Variants in GLIS3 observed in about 807,000 individuals in gnomAD.
The protein encoded by GLIS3 is zinc finger protein GLIS3.
GLIS3 carries 53 observed loss-of-function variants against 78.6 expected under a neutral mutation model. The observed-to-expected ratio is 0.67, with a 90% confidence interval of 0.54 to 0.85. GLIS3 has a LOEUF of 0.85. Among genes scored for constraint, GLIS3 ranks in the 40% least tolerant of loss-of-function variants. The probability of loss-of-function intolerance (pLI) is 0.00; values close to 1 mark genes in which losing one functional copy is unlikely to be tolerated. For missense variants in GLIS3, 1,703 were observed against 1,231.1 expected (o/e 1.38, Z -5.74); for synonymous variants, 684 against 509.9 (o/e 1.34, Z -4.60).
At chr9:4,369,196 C>G in the GLIS3 span, among the ~76,000 whole-genome samples, 1 of 152,082 alleles carries the variant, frequency 6.6e-6, no homozygotes, top group Admixed American at 6.6e-5. Context: ...TTAATAATGT[C>G]TGATGGATTA....
chr9:4,384,838 C>T, the GLIS3 span, among the ~76,000 whole-genome samples: 1 of 152,164 alleles, frequency 6.6e-6, no homozygotes, highest in African/African-American at 2.4e-5. Flanking sequence ...ACATCCAAAA[C>T]ATATCAGATA....
At position 4,032,784 on chromosome 9, in the gene GLIS3, C is replaced by A. The variant is rs115220170; in HGVS notation, c.1710+84984G>T. Among the ~76,000 whole-genome samples the A allele has an allele frequency of 6.0e-3, 908 of 152,296 alleles. 9 individuals are homozygous for A. The highest frequency in any genetic ancestry group is 0.02 in the African/African-American group (833 of 41,550). On this transcript the variant is annotated intron_variant, in intron 4 of 10. Coordinates refer to ENST00000381971, the MANE Select transcript of GLIS3 (RefSeq NM_001042413.2). ...TGTCACCAGGATGCCCCTGCCCCCACTGCCAATAGCATTCTCCTTTTAAGT... is the reference window on the plus strand; with the variant it reads ...TGTCACCAGGATGCCCCTGCCCCCAATGCCAATAGCATTCTCCTTTTAAGT...
the GLIS3 span, among the ~76,000 whole-genome samples, chr9:4,368,752 G>T: frequency 6.6e-6 from 1 of 152,182 alleles, no homozygotes; most frequent in African/African-American, 2.4e-5. Context: ...TCAGCTTTAA[G>T]AAGAGGAGGA....
chr9:4,136,084 G>T (rs1833387881), intron 2 of GLIS3, among the ~76,000 whole-genome samples: 1 of 152,180 alleles, frequency 6.6e-6, no homozygotes, highest in African/African-American at 2.4e-5. Flanking sequence ...CAGGGGCAAA[G>T]CAATCGAATT....
chr9:4,015,605 C>A (rs551223632), intron 4 of GLIS3, among the ~76,000 whole-genome samples: 2 of 152,106 alleles, frequency 1.3e-5, no homozygotes, highest in Non-Finnish European at 2.9e-5. Flanking sequence ...AGGGATTTTC[C>A]AGCCAAGTGT....
At chr9:4,357,994 CT>C in the GLIS3 span, among the ~76,000 whole-genome samples, 2 of 152,068 alleles carry the variant, frequency 1.3e-5, no homozygotes, top group Non-Finnish European at 2.9e-5. Context: ...GATATTATGC[CT>C]TTGTTTTTTA....
the GLIS3 span, among the ~76,000 whole-genome samples, chr9:4,360,987 G>C: frequency 6.6e-6 from 1 of 152,218 alleles, no homozygotes; most frequent in Non-Finnish European, 1.5e-5. Flanking sequence ...TTGTCCCAAT[G>C]CCTTTGTCCT....
At chr9:3,933,659 T>A (rs890497587) in intron 5 of GLIS3, among the ~76,000 whole-genome samples, 2 of 152,172 alleles carry the variant, frequency 1.3e-5, no homozygotes, top group Non-Finnish European at 2.9e-5. Context: ...TGAAACCATG[T>A]CTTGGGATTC....
intron 4 of GLIS3, among the ~76,000 whole-genome samples, chr9:4,021,145 T>C (rs1445058990): frequency 6.7e-6 from 1 of 149,146 alleles, no homozygotes; most frequent in East Asian, 1.9e-4. Context: ...TATAGTATGC[T>C]ATAATATCTG....
intron 2 of GLIS3, among the ~76,000 whole-genome samples, chr9:4,165,332 T>G (rs953731061): frequency 6.6e-6 from 1 of 152,030 alleles, no homozygotes; most frequent in Non-Finnish European, 1.5e-5. Context: ...TCCCAGTTAC[T>G]CGGGAGGCTG....
the GLIS3 span, among the ~76,000 whole-genome samples, chr9:4,362,649 G>A: frequency 6.6e-6 from 1 of 152,192 alleles, no homozygotes; most frequent in South Asian, 2.1e-4. Flanking sequence ...GGCAATGCCT[G>A]GATATTATTC....
intron 2 of GLIS3, among the ~76,000 whole-genome samples, chr9:4,311,999 G>T (rs146271272): frequency 7.1e-4 from 108 of 152,292 alleles, no homozygotes; most frequent in African/African-American, 2.5e-3. Flanking sequence ...GAGAGTGGGA[G>T]GAGGAAGAGG....
intron 3 of GLIS3, chr9:4,123,581 A>T: frequency 2.9e-6 from 1 of 347,934 alleles, no homozygotes; most frequent in Non-Finnish European, 5.1e-6. Flanking sequence ...ATAAAGTGGA[A>T]TCCTGGACAG....
chr9:4,007,682 G>A (rs1821664267), intron 4 of GLIS3, among the ~76,000 whole-genome samples: 1 of 151,986 alleles, frequency 6.6e-6, no homozygotes, highest in South Asian at 2.1e-4. Flanking sequence ...AGGCACACAT[G>A]GGCACACATA....
intron 4 of GLIS3, among the ~76,000 whole-genome samples, chr9:3,968,099 C>G (rs1221432768): frequency 6.6e-6 from 1 of 152,172 alleles, no homozygotes; most frequent in Admixed American, 6.5e-5. Flanking sequence ...GATGTGGATT[C>G]TTGAGATCTC....
At chr9:4,027,058 T>C (rs1019485437) in intron 4 of GLIS3, among the ~76,000 whole-genome samples, 2 of 152,206 alleles carry the variant, frequency 1.3e-5, no homozygotes, top group Admixed American at 1.3e-4. Flanking sequence ...ATGTCAACCC[T>C]GCCCCATCTT....
Position 4,201,517 on chromosome 9 carries a change from C to T in GLIS3, c.389-75576G>A, listed in dbSNP as rs182391348. On this transcript the variant is annotated intron_variant, in intron 2 of 10. Coordinates refer to ENST00000381971, the MANE Select transcript of GLIS3 (RefSeq NM_001042413.2). ...ATACAAAAATCACTGTACAAAAGTCCGTAGTGTTTTTATACACTAATAACA... is the reference window on the plus strand; with the variant it reads ...ATACAAAAATCACTGTACAAAAGTCTGTAGTGTTTTTATACACTAATAACA... 1.9e-4 allele frequency among the ~76,000 whole-genome samples: 29 copies of T among 152,168 alleles called. No individual in the cohort carries two copies. The East Asian group carries it at 4.2e-3, about 22-fold the overall frequency.
At chr9:3,953,783 C>A (rs1489257116) in intron 4 of GLIS3, among the ~76,000 whole-genome samples, 528 of 40,640 alleles carry the variant, frequency 0.013, 6 homozygotes, top group African/African-American at 0.047. Context: ...CTCTCTCTCT[C>A]TCTCTCTCTC....
At chr9:4,402,181 T>A in the GLIS3 span, among the ~76,000 whole-genome samples, 3 of 152,172 alleles carry the variant, frequency 2.0e-5, no homozygotes, top group African/African-American at 7.2e-5. Flanking sequence ...ACACTCCCAA[T>A]TCCAGACAAT....
Sources: gnomAD v4.1 joint callset for allele counts (sites outside exome capture counted in the v4.1 genomes callset) on GRCh38, gnomAD v4.1.1 for gene constraint, MANE v1.5 for transcripts, NCBI Gene and HGNC (gene_info 2026-07-23, HGNC 2026-07-21) for gene names.